ATP2B3: variants seen among roughly 807,000 people sequenced by gnomAD.
ATP2B3 encodes plasma membrane calcium-transporting ATPase 3.
Under a neutral mutation model 70.8 loss-of-function variants are expected in ATP2B3, and 12 were observed. That is an observed-to-expected ratio of 0.17 (90% CI 0.11 to 0.27). ATP2B3 has a LOEUF of 0.27. Ranked by LOEUF, ATP2B3 falls within the 10% of genes least tolerant of loss-of-function variation. ATP2B3 has a pLI of 1.00. For missense variants in ATP2B3, 858 were observed against 1,118.5 expected, an observed-to-expected ratio of 0.77 and a Z score of 3.32; for synonymous variants, 460 against 497.8, an observed-to-expected ratio of 0.92 and a Z score of 1.01.
intron 21 of ATP2B3, among the ~76,000 whole-genome samples, chrX:153,577,399 G>A (rs940475057): frequency 1.8e-5 from 2 of 111,844 alleles, no homozygotes; most frequent in South Asian, 3.7e-4. Context: ...CCAGCTCAGC[G>A]AGATCTCACC....
intron 12 of ATP2B3, 74 bp from the exon 13 acceptor site, chrX:153,552,961 A>G (rs1557012068): frequency 3.2e-6 from 3 of 940,177 alleles, no homozygotes; most frequent in African/African-American, 1.9e-5. Flanking sequence ...TAAGCCCCCA[A>G]TCCAGTGTGA....
At chrX:153,521,376 G>A (rs1187575668) in intron 2 of ATP2B3, among the ~76,000 whole-genome samples, 1 of 112,812 alleles carries the variant, frequency 8.9e-6, no homozygotes, top group Non-Finnish European at 1.9e-5. Flanking sequence ...AAATGCAGGG[G>A]AATTCGGGCA....
intron 2 of ATP2B3, among the ~76,000 whole-genome samples, chrX:153,527,319 C>T (rs1039607827): frequency 1.8e-5 from 2 of 112,769 alleles, no homozygotes; most frequent in Non-Finnish European, 3.8e-5. Context: ...GAGTCTTTCA[C>T]GCTGGCCACA....
At chrX:153,575,650 G>C (rs1338323052) in intron 21 of ATP2B3, among the ~76,000 whole-genome samples, 1 of 111,791 alleles carries the variant, frequency 8.9e-6, no homozygotes, top group South Asian at 3.7e-4. Flanking sequence ...GGCTGGGGCC[G>C]GGGGGGTTGG....
At chrX:153,558,955 G>C (rs1557015074) in intron 17 of ATP2B3, among the ~76,000 whole-genome samples, 1 of 111,726 alleles carries the variant, frequency 9.0e-6, no homozygotes, top group Non-Finnish European at 1.9e-5. Context: ...CCATTGGTGA[G>C]TGTCCAGATT....
intron 21 of ATP2B3, among the ~76,000 whole-genome samples, chrX:153,577,282 T>A (rs2090869822): frequency 1.8e-5 from 2 of 112,690 alleles, no homozygotes; most frequent in African/African-American, 6.4e-5. Flanking sequence ...GTGGCCTGGC[T>A]GTCCTTTATG....
chrX:153,543,876 C>T (rs1234151460), intron 7 of ATP2B3, among the ~76,000 whole-genome samples: 5 of 110,330 alleles, frequency 4.5e-5, no homozygotes, highest in African/African-American at 9.9e-5. Context: ...GAGCCACACC[C>T]GCATGGGAAA....
chrX:153,548,003 G>A lies in ATP2B3; in HGVS notation c.1123+4G>A, dbSNP rs372312449. On this transcript the variant is annotated splice_donor_region_variant and intron_variant, in intron 9 of 21. Transcript: ENST00000263519. ...GCCGTGCAGATCGGGAAAGCAGGTA[G>A]GGACAGCAGGAGGTGGTGGGCCCAG... 132 of 1,195,507 alleles carry A rather than the reference G, an allele frequency of 1.1e-4. 1 individual carries two copies. The highest frequency in any genetic ancestry group is 1.4e-4 in the Non-Finnish European group (121 of 886,755).
intron 21 of ATP2B3, among the ~76,000 whole-genome samples, chrX:153,576,128 C>T (rs782109886): frequency 6.3e-5 from 7 of 111,634 alleles, no homozygotes; most frequent in African/African-American, 1.3e-4. Flanking sequence ...AGTCAGGACA[C>T]GGGCCAGTTC....
intron 2 of ATP2B3, chrX:153,533,330 T>C (rs1393469550): frequency 8.9e-6 from 1 of 111,915 alleles, no homozygotes; most frequent in Non-Finnish European, 1.9e-5. Flanking sequence ...CAGAGACTCC[T>C]GGAGAATGTT....
intron 2 of ATP2B3, among the ~76,000 whole-genome samples, chrX:153,534,213 C>T (rs1569533699): frequency 9.0e-6 from 1 of 111,380 alleles, no homozygotes; most frequent in Non-Finnish European, 1.9e-5. Flanking sequence ...GAGGCTGTCT[C>T]GAGAAGACGA....
At chrX:153,521,184 C>T (rs1414056356) in intron 2 of ATP2B3, among the ~76,000 whole-genome samples, 1 of 113,124 alleles carries the variant, frequency 8.8e-6, no homozygotes, top group Non-Finnish European at 1.9e-5. Flanking sequence ...GGAGCATGCA[C>T]AGGGCTCCTC....
At chrX:153,529,519 G>A (rs1322201707) in intron 2 of ATP2B3, among the ~76,000 whole-genome samples, 1 of 112,287 alleles carries the variant, frequency 8.9e-6, no homozygotes, top group African/African-American at 3.2e-5. Flanking sequence ...GACACAGGGC[G>A]AAGTGGCTGG....
chrX:153,553,155 C>T lies in ATP2B3; in HGVS notation c.1944C>T (p.Ile648=), dbSNP rs569257040. ...MACDGLRTIC[I]AYRDFSAGQE... is the part of the protein sequence containing the mutation. ...GCGATGGCCTCCGCACCATCTGCAT[C>T]GCCTACCGGGACTTCTCTGCAGGCC... Residue 648 remains isoleucine (I), a synonymous_variant, in exon 13 of 22, where the codon ATC becomes ATT. Transcript: ENST00000263519. The T allele has an allele frequency of 4.4e-5, 53 of 1,210,064 alleles. No homozygotes were observed. Among genetic ancestry groups the T allele is most frequent in the South Asian group, 1.4e-4 (8 of 56,841 alleles).
intron 8 of ATP2B3, among the ~76,000 whole-genome samples, chrX:153,546,721 A>G (rs1236056838): frequency 8.8e-6 from 1 of 113,238 alleles, no homozygotes; most frequent in Non-Finnish European, 1.9e-5. Flanking sequence ...GATGTCGGCC[A>G]ATGCAGCAGC....
At position 153,560,700 on chromosome X, in the gene ATP2B3, G is replaced by T; in HGVS notation, c.2864G>T (p.Ser955Ile). 1 of 1,212,129 alleles carries T rather than the reference G, an allele frequency of 8.2e-7. No homozygotes were observed. The change falls in exon 19 of 22, where the codon AGC becomes ATC. Residue 955 changes from serine to isoleucine, a missense_variant. By Grantham distance (142) the Ser-to-Ile change is moderately radical (BLOSUM62 -2). Around this residue, in one of 5 missense-constraint regions of ATP2B3, gnomAD observed 265 missense variants for 305.3 expected, o/e 0.87. Coordinates refer to ENST00000263519, the MANE Select transcript of ATP2B3 (RefSeq NM_001001344.3). ...FVGELFFDID[S>I]GRNAPLHSPP... ...GGGGAGCTCTTCTTCGACATCGACA[G>T]CGGGAGGAATGCGCCCCTGCACTCG...
At chrX:153,541,219 C>A in intron 3 of ATP2B3, 140 bp from the exon 4 acceptor site, 1 of 697,261 alleles carries the variant, frequency 1.4e-6, no homozygotes, top group Non-Finnish European at 2.2e-6. Flanking sequence ...AGAGGGAGAG[C>A]CAGGCGCTGG....
Position 153,553,093 on chromosome X carries a change from G to C in ATP2B3, c.1882G>C (p.Asp628His). The change falls in exon 13 of 22, where the codon GAC becomes CAC. Residue 628 changes from aspartate to histidine, a missense_variant. Physicochemically the swap from Asp to His is moderately conservative, Grantham distance 81. This residue lies in a region of ATP2B3 where 242 missense variants were observed against 281.3 expected (regional missense o/e 0.86). Coordinates refer to ENST00000263519, the MANE Select transcript of ATP2B3 (RefSeq NM_001001344.3). ...ELRGFRPRDR[D>H]DMVRKIIEPM... The stretch of plus-strand genomic sequence containing the variant: ...CCGGGGCTTTCGGCCTCGGGACCGG[G>C]ACGACATGGTGAGGAAGATCATCGA... 5 of 1,209,392 alleles carry C rather than the reference G, an allele frequency of 4.1e-6. No individual in the cohort carries two copies. The highest frequency in any genetic ancestry group is 4.5e-6 in the Non-Finnish European group (4 of 893,389).
At chrX:153,549,927 C>G in intron 11 of ATP2B3, 118 bp from the exon 12 acceptor site, 1 of 1,110,874 alleles carries the variant, frequency 9.0e-7, no homozygotes, top group Non-Finnish European at 1.2e-6. Context: ...TTCCTCTGCT[C>G]CCTGCCGCCC....
Sources: allele counts gnomAD v4.1 joint callset (sites outside exome capture counted in the v4.1 genomes callset), GRCh38; gene constraint gnomAD v4.1.1; regional missense constraint gnomAD v4.1.1; transcripts MANE v1.5; gene names NCBI Gene and HGNC (gene_info 2026-07-23, HGNC 2026-07-21).